KATNA1: variants seen among roughly 807,000 people sequenced by gnomAD.
The protein encoded by KATNA1 is katanin p60 ATPase-containing subunit A1.
KATNA1 carries 42 observed loss-of-function variants against 62.6 expected under a neutral mutation model. The observed-to-expected ratio is 0.67, with a 90% CI of 0.52 to 0.87. KATNA1 has a LOEUF of 0.87. KATNA1 is among the 40% of genes least tolerant of loss of function. The pLI is 0.00. For synonymous variants in KATNA1, 186 were observed against 201.9 expected, an observed-to-expected ratio of 0.92 and a Z score of 0.67; for missense variants, 498 against 612.5, an observed-to-expected ratio of 0.81 and a Z score of 1.97.
chr6:149,632,302 G>A (rs564891544), intron 3 of KATNA1, among the ~76,000 whole-genome samples: 67 of 151,218 alleles, frequency 4.4e-4, no homozygotes, highest in Non-Finnish European at 8.4e-4. Context: ...TTGAACCCGG[G>A]AGGCAGAGAT....
intron 2 of KATNA1, among the ~76,000 whole-genome samples, chr6:149,635,089 T>C (rs1309928310): frequency 6.6e-6 from 1 of 151,988 alleles, no homozygotes; most frequent in Non-Finnish European, 1.5e-5. Context: ...TAAAAACTAA[T>C]CTTGGGCAAC....
intron 1 of KATNA1, among the ~76,000 whole-genome samples, chr6:149,643,404 T>G (rs1483751008): frequency 6.6e-6 from 1 of 152,158 alleles, no homozygotes; most frequent in African/African-American, 2.4e-5. Context: ...AGTCACCAAG[T>G]TTTGGGATAA....
chr6:149,625,554 CAG>C (rs1349618286), intron 3 of KATNA1, among the ~76,000 whole-genome samples: 1 of 152,084 alleles, frequency 6.6e-6, no homozygotes, highest in Non-Finnish European at 1.5e-5. Context: ...CACTTGAACC[CAG>C]GAGGCAGAGG....
rs760559943 is a variant in KATNA1, at chr6:149,638,577, A to C, written c.-13-17T>G. On this transcript the variant is annotated splice_polypyrimidine_tract_variant and intron_variant, in intron 1 of 10. Transcript: ENST00000367411. ...AACTGTAAGCTAAAAAGAAGAAGAA[A>C]AAAAGAAACACTTTAGGTTTACATG... 1 of 1,545,134 alleles carries C rather than the reference A, an allele frequency of 6.5e-7. No homozygotes were observed.
chr6:149,612,933 T>C (rs951669338), intron 4 of KATNA1, among the ~76,000 whole-genome samples: 13 of 151,088 alleles, frequency 8.6e-5, no homozygotes, highest in African/African-American at 1.9e-4. Flanking sequence ...CTCAGAAAAA[T>C]AGAATTTAAA....
chr6:149,638,279 T>C, intron 2 of KATNA1, 107 bp downstream of exon 2: 1 of 1,056,412 alleles, frequency 9.5e-7, no homozygotes, highest in Non-Finnish European at 1.4e-6. Context: ...CTGTGCTCGG[T>C]AGTCATACAG....
At chr6:149,598,468 T>G in intron 7 of KATNA1, 118 bp from the exon 8 acceptor site, 1 of 928,356 alleles carries the variant, frequency 1.1e-6, no homozygotes, top group Admixed American at 2.3e-5. Flanking sequence ...CTCACACCTG[T>G]AATCCCAACA....
chr6:149,603,213 CTG>C, intron 6 of KATNA1, 53 bp downstream of exon 6: 2 of 725,818 alleles, frequency 2.8e-6, no homozygotes, highest in South Asian at 1.8e-5. Context: ...TATTGGCTCT[CTG>C]TATCAACATG....
At chr6:149,648,088 G>A (rs1021932006) in intron 1 of KATNA1, among the ~76,000 whole-genome samples, 21 of 152,118 alleles carry the variant, frequency 1.4e-4, no homozygotes, top group Non-Finnish European at 2.2e-4. Context: ...AAAAGAAGTT[G>A]CCTCCCAATG....
chr6:149,638,726 C>CGTTT (rs1780162791), intron 1 of KATNA1, 166 bp from the exon 2 acceptor site: 7 of 175,330 alleles, frequency 4.0e-5, no homozygotes, highest in Admixed American at 2.0e-4. Context: ...TTAAAAAAAA[C>CGTTT]ATTGTTTTTT....
chr6:149,600,770 TAAA>T (rs386408910), intron 7 of KATNA1, among the ~76,000 whole-genome samples: 2 of 108,354 alleles, frequency 1.8e-5, no homozygotes, highest in South Asian at 3.2e-4. Context: ...ACCCCATCTG[TAAA>T]AAAAAAAAAA....
intron 4 of KATNA1, among the ~76,000 whole-genome samples, chr6:149,619,837 G>T (rs1478894811): frequency 6.6e-6 from 1 of 152,086 alleles, no homozygotes. Flanking sequence ...TTATATGGTA[G>T]TTCTAGTTTT....
At chr6:149,619,140 C>A (rs969164212) in intron 4 of KATNA1, among the ~76,000 whole-genome samples, 1 of 151,882 alleles carries the variant, frequency 6.6e-6, no homozygotes, top group African/African-American at 2.4e-5. Flanking sequence ...AAACCCCCCA[C>A]AAATAATCCA....
At chr6:149,608,844 G>A (rs1177740259) in intron 4 of KATNA1, among the ~76,000 whole-genome samples, 3 of 152,186 alleles carry the variant, frequency 2.0e-5, no homozygotes, top group Non-Finnish European at 2.9e-5. Context: ...GGCAGGTGCC[G>A]ACAGAGGCTG....
intron 1 of KATNA1, among the ~76,000 whole-genome samples, chr6:149,645,571 C>T (rs1780455298): frequency 6.6e-6 from 1 of 151,994 alleles, no homozygotes; most frequent in East Asian, 1.9e-4. Flanking sequence ...TGAGATTGCC[C>T]CAAAATTCAG....
chr6:149,647,094 C>G (rs1199667839), intron 1 of KATNA1, among the ~76,000 whole-genome samples: 2 of 151,474 alleles, frequency 1.3e-5, no homozygotes, highest in Admixed American at 1.3e-4. Context: ...TATAAAGAAG[C>G]TTTATATAGC....
At chr6:149,647,570 A>G (rs1015456069) in intron 1 of KATNA1, among the ~76,000 whole-genome samples, 1 of 151,458 alleles carries the variant, frequency 6.6e-6, no homozygotes, top group Non-Finnish European at 1.5e-5. Context: ...GCTCTTTTGG[A>G]AAAGAAAATA....
chr6:149,641,179 G>GTT (rs34750075), intron 1 of KATNA1, among the ~76,000 whole-genome samples: 14 of 130,628 alleles, frequency 1.1e-4, no homozygotes, highest in African/African-American at 1.5e-4. Context: ...CTGGCCTCGG[G>GTT]TTTTTTTTTT....
rs77484846 is a variant in KATNA1, at chr6:149,619,503, C to T, written c.501+3600G>A. 9.1e-3 allele frequency among the ~76,000 whole-genome samples: 1,382 copies of T among 152,044 alleles called. 23 individuals carry two copies. Among genetic ancestry groups the T allele is most frequent in the African/African-American group, 0.032 (1,328 of 41,470 alleles). On this transcript the variant is annotated intron_variant, in intron 4 of 10. Coordinates refer to ENST00000367411, the MANE Select transcript of KATNA1 (RefSeq NM_007044.4). ...TAGCGTGTGCCTGTAGTTGCAGCTACTCAGGAGGCTGAGGCATGAGAACTG... is the reference window on the plus strand; with the variant it reads ...TAGCGTGTGCCTGTAGTTGCAGCTATTCAGGAGGCTGAGGCATGAGAACTG...
Sources: allele counts gnomAD v4.1 joint callset (sites outside exome capture counted in the v4.1 genomes callset), GRCh38; gene constraint gnomAD v4.1.1; transcripts MANE v1.5; gene names NCBI Gene and HGNC (gene_info 2026-07-23, HGNC 2026-07-21).